PPP6R3: variants seen among roughly 807,000 people sequenced by gnomAD.
The protein encoded by PPP6R3 is serine/threonine-protein phosphatase 6 regulatory subunit 3.
Under a neutral mutation model 110.7 loss-of-function variants are expected in PPP6R3, and 38 were observed. That is an observed-to-expected ratio of 0.34 (90% confidence interval 0.26 to 0.45). PPP6R3 has a LOEUF of 0.45. PPP6R3 is among the 20% of genes least tolerant of loss of function. The pLI is 1.00. For missense variants in PPP6R3, 870 were observed against 1,062.4 expected, an observed-to-expected ratio of 0.82 and a Z score of 2.52; for synonymous variants, 369 against 373.5, an observed-to-expected ratio of 0.99 and a Z score of 0.14.
At chr11:68,593,880 A>G (rs1593797459) in intron 18 of PPP6R3, among the ~76,000 whole-genome samples, 1 of 152,146 alleles carries the variant, frequency 6.6e-6, no homozygotes, top group Non-Finnish European at 1.5e-5. Context: ...TTAGCTGGGC[A>G]TGGTGGCGTG....
intron 1 of PPP6R3, among the ~76,000 whole-genome samples, chr11:68,507,101 T>G (rs1315819180): frequency 6.6e-6 from 1 of 152,216 alleles, no homozygotes; most frequent in Non-Finnish European, 1.5e-5. Context: ...GAGTGTCCAT[T>G]AGGGTGCATA....
chr11:68,524,821 A>T (rs2099187832), intron 2 of PPP6R3, among the ~76,000 whole-genome samples: 1 of 152,214 alleles, frequency 6.6e-6, no homozygotes, highest in Admixed American at 6.5e-5. Context: ...AATCCATGCC[A>T]TCAGAGCCCC....
chr11:68,503,480 A>T (rs1174651190), intron 1 of PPP6R3, among the ~76,000 whole-genome samples: 1 of 152,220 alleles, frequency 6.6e-6, no homozygotes, highest in Non-Finnish European at 1.5e-5. Flanking sequence ...GGAGAGGAGC[A>T]GCCCTCCAAC....
At chr11:68,589,204 G>C (rs1423252385) in intron 16 of PPP6R3, among the ~76,000 whole-genome samples, 2 of 151,976 alleles carry the variant, frequency 1.3e-5, no homozygotes, top group East Asian at 3.9e-4. Context: ...GGGAGACCCT[G>C]TCTCAATAAT....
At chr11:68,569,635 T>G in intron 10 of PPP6R3, 113 bp from the exon 11 acceptor site, 1 of 964,042 alleles carries the variant, frequency 1.0e-6, no homozygotes, top group Non-Finnish European at 1.5e-6. Flanking sequence ...TTGGTCCTTT[T>G]GGACTGAGAG....
At chr11:68,463,355 G>GAAAAAAAAAA (rs1156285158) in intron 1 of PPP6R3, among the ~76,000 whole-genome samples, 9,234 of 54,194 alleles carry the variant, frequency 0.17, 1,072 homozygotes, top group Non-Finnish European at 0.22. Flanking sequence ...CTCAGTCTCA[G>GAAAAAAAAAA]AAAAAAAAAA....
At chr11:68,609,554 A>G (rs1942256793) in intron 22 of PPP6R3, 1 of 1,536,290 alleles carries the variant, frequency 6.5e-7, no homozygotes, top group Non-Finnish European at 8.8e-7. Flanking sequence ...CCTCATTTCT[A>G]GGAGTATTCT....
chr11:68,544,890 G>A lies in PPP6R3; in HGVS notation c.280G>A (p.Asp94Asn). The change falls in exon 4 of 24, where the codon GAT becomes AAT. Residue 94 changes from aspartate (D) to asparagine (N), a missense_variant. Coordinates refer to ENST00000393800, the MANE Select transcript of PPP6R3 (RefSeq NM_001164161.2). The part of the protein sequence containing the change: ...LLTSDVSQMN[D>N]RLGEDESLLM... ...CACTTCTGATGTCTCCCAGATGAAT[G>A]ATAGACTGGGAGAAGATGAATCCTT... is the stretch of plus-strand genomic sequence containing the variant. 6.2e-7 allele frequency: 1 copy of A among 1,607,470 alleles called. No homozygotes were observed. The highest frequency in any genetic ancestry group is 8.5e-7 in the Non-Finnish European group (1 of 1,174,038).
intron 1 of PPP6R3, among the ~76,000 whole-genome samples, chr11:68,477,739 A>ATATATATATATATAT (rs768026020): frequency 2.2e-4 from 18 of 80,392 alleles, no homozygotes; most frequent in African/African-American, 8.8e-4. Context: ...AAAAAAAAAA[A>ATATATATATATATAT]AAATATATAT....
At chr11:68,487,861 A>G (rs947324709) in intron 1 of PPP6R3, among the ~76,000 whole-genome samples, 2 of 152,122 alleles carry the variant, frequency 1.3e-5, no homozygotes, top group Non-Finnish European at 2.9e-5. Flanking sequence ...TAATGTATAG[A>G]TGTCAATTAT....
intron 19 of PPP6R3, among the ~76,000 whole-genome samples, chr11:68,598,991 G>C (rs564916781): frequency 1.4e-4 from 21 of 152,292 alleles, no homozygotes; most frequent in Non-Finnish European, 3.1e-4. Context: ...TGTGATCTTT[G>C]CTAAGTGAAT....
At chr11:68,494,089 C>T (rs192525622) in intron 1 of PPP6R3, among the ~76,000 whole-genome samples, 26 of 130,008 alleles carry the variant, frequency 2.0e-4, no homozygotes, top group Non-Finnish European at 2.2e-4. Flanking sequence ...GGCAGCTGAG[C>T]GAGACTCCAT....
At chr11:68,563,998 A>G (rs908616419) in intron 8 of PPP6R3, among the ~76,000 whole-genome samples, 3 of 152,142 alleles carry the variant, frequency 2.0e-5, no homozygotes, top group African/African-American at 4.8e-5. Flanking sequence ...TCGCTTTCCA[A>G]ATTTCCTGGT....
chr11:68,559,820 T>G (rs1301752139), intron 8 of PPP6R3, among the ~76,000 whole-genome samples: 1 of 147,266 alleles, frequency 6.8e-6, no homozygotes, highest in Non-Finnish European at 1.5e-5. Flanking sequence ...CAGTACCCTC[T>G]TCCCACCCCA....
chr11:68,469,234 GC>G (rs2098771373), intron 1 of PPP6R3, among the ~76,000 whole-genome samples: 1 of 152,214 alleles, frequency 6.6e-6, no homozygotes, highest in South Asian at 2.1e-4. Flanking sequence ...ACTTATAAAA[GC>G]AGACAGAGAG....
chr11:68,527,192 A>G (rs939750542), intron 2 of PPP6R3, among the ~76,000 whole-genome samples: 1 of 152,236 alleles, frequency 6.6e-6, no homozygotes, highest in Non-Finnish European at 1.5e-5. Context: ...TGCTGGTGAC[A>G]TTGGAGAAGT....
At chr11:68,568,586 T>A (rs2099488885) in intron 10 of PPP6R3, among the ~76,000 whole-genome samples, 1 of 152,216 alleles carries the variant, frequency 6.6e-6, no homozygotes, top group South Asian at 2.1e-4. Context: ...TTCACGTTAC[T>A]GCCTCTCGTA....
chr11:68,464,093 A>G (rs2098728186), intron 1 of PPP6R3, among the ~76,000 whole-genome samples: 1 of 152,200 alleles, frequency 6.6e-6, no homozygotes, highest in South Asian at 2.1e-4. Context: ...TTTTAAGACC[A>G]TGGATGTTGG....
At chr11:68,583,692 G>A (rs1305369174) in intron 15 of PPP6R3, among the ~76,000 whole-genome samples, 5 of 152,114 alleles carry the variant, frequency 3.3e-5, no homozygotes, top group African/African-American at 1.2e-4. Context: ...AATAATAAAT[G>A]TACTGATTTA....
Sources: allele counts gnomAD v4.1 joint callset (sites outside exome capture counted in the v4.1 genomes callset), GRCh38; gene constraint gnomAD v4.1.1; transcripts MANE v1.5; gene names NCBI Gene and HGNC (gene_info 2026-07-23, HGNC 2026-07-21).